NFIA: variants seen among roughly 807,000 people sequenced by gnomAD.
NFIA encodes the protein nuclear factor 1 A-type.
Under a neutral mutation model 62.8 loss-of-function variants are expected in NFIA, and 8 were observed. The ratio of observed to expected loss-of-function variants is 0.13; its 90% CI spans 0.07 to 0.23. The LOEUF (loss-of-function observed/expected upper bound fraction) is 0.23. NFIA is among the 10% of genes least tolerant of loss of function. NFIA has a pLI of 1.00. For synonymous variants in NFIA, 235 were observed against 238.1 expected (o/e 0.99, Z 0.12); for missense variants, 410 against 642.1 (o/e 0.64, Z 3.91).
chr1:61,455,501 T>A lies in NFIA; in HGVS notation c.*181T>A. ...CATTATGGTCAAACAGCAAAGGCCA[T>A]AACCTTTTGGGATTTTTTTTTTTTT... On this transcript the variant is annotated 3_prime_UTR_variant, in exon 11 of 11. Coordinates refer to ENST00000403491, the MANE Select transcript of NFIA (RefSeq NM_001134673.4). 1 of 937,856 alleles carries A rather than the reference T, an allele frequency of 1.1e-6. No individual in the cohort carries two copies. 58.1% of individuals were successfully genotyped at this position (937,856 alleles called of 1,614,324 possible).
intron 2 of NFIA, among the ~76,000 whole-genome samples, chr1:61,272,892 C>T (rs1657598366): frequency 6.6e-6 from 1 of 152,192 alleles, no homozygotes; most frequent in South Asian, 2.1e-4. Context: ...TTTCTTCATA[C>T]CGTCTTTTAA....
chr1:61,432,188 C>T (rs1338513165), intron 10 of NFIA, among the ~76,000 whole-genome samples: 1 of 150,648 alleles, frequency 6.6e-6, no homozygotes, highest in Non-Finnish European at 1.5e-5. Flanking sequence ...TAGCTTGGGC[C>T]TAATGATATG....
intron 2 of NFIA, among the ~76,000 whole-genome samples, chr1:61,180,552 G>A (rs1041349981): frequency 3.9e-5 from 6 of 152,184 alleles, no homozygotes; most frequent in Non-Finnish European, 8.8e-5. Context: ...GTAGCTTTTA[G>A]TTGTGGCTTA....
chr1:61,349,073 A>G (rs555731326), intron 4 of NFIA, among the ~76,000 whole-genome samples: 1 of 152,286 alleles, frequency 6.6e-6, no homozygotes, highest in South Asian at 2.1e-4. Flanking sequence ...ATATTTGACT[A>G]ATCTCCCCCA....
At chr1:61,104,094 G>T (rs1331786359) in intron 2 of NFIA, among the ~76,000 whole-genome samples, 2 of 152,126 alleles carry the variant, frequency 1.3e-5, no homozygotes, top group African/African-American at 4.8e-5. Flanking sequence ...CCTACTATGT[G>T]CTGGGTACCC....
At chr1:61,309,696 C>T (rs756897135) in intron 3 of NFIA, among the ~76,000 whole-genome samples, 2 of 152,158 alleles carry the variant, frequency 1.3e-5, no homozygotes, top group African/African-American at 2.4e-5. Context: ...TGAGAGCAGC[C>T]TGACCAACAC....
At chr1:61,412,087 C>T (rs930271333) in intron 9 of NFIA, among the ~76,000 whole-genome samples, 5 of 151,982 alleles carry the variant, frequency 3.3e-5, no homozygotes, top group Non-Finnish European at 7.4e-5. Flanking sequence ...AATAGATTGT[C>T]AGGAGCAAGA....
chr1:61,212,854 A>G lies in NFIA; in HGVS notation c.560-64666A>G, dbSNP rs1653352673. Among the ~76,000 whole-genome samples, 3 of 152,326 alleles carry G rather than the reference A, an allele frequency of 2.0e-5. 1 individual carries two copies. The highest frequency in any genetic ancestry group is 6.8e-3 in the Middle Eastern group (2 of 294). On this transcript the variant is annotated intron_variant, in intron 2 of 10. Transcript: ENST00000403491. ...ACTTGTGGATAATCGAAAGTAGACCATACTTATTTTCAATTTGGCAGCTGC... is the reference window on the plus strand; with the variant it reads ...ACTTGTGGATAATCGAAAGTAGACCGTACTTATTTTCAATTTGGCAGCTGC...
At chr1:61,455,161 G>A (rs1343450952) in intron 10 of NFIA, 142 bp from the exon 11 acceptor site, 6 of 715,940 alleles carry the variant, frequency 8.4e-6, no homozygotes, top group Non-Finnish European at 1.4e-5. Context: ...ATTTTTTATT[G>A]TCTGTCGTGC....
chr1:61,138,710 G>A (rs903104775), intron 2 of NFIA, among the ~76,000 whole-genome samples: 6 of 151,860 alleles, frequency 4.0e-5, no homozygotes, highest in African/African-American at 1.4e-4. Flanking sequence ...CTCCCAAGTA[G>A]CTGGGATTAC....
chr1:61,415,587 T>C (rs762523778), intron 9 of NFIA, among the ~76,000 whole-genome samples: 5 of 152,168 alleles, frequency 3.3e-5, no homozygotes, highest in Admixed American at 6.5e-5. Flanking sequence ...CAATACTGAT[T>C]AAAACTTGAG....
At chr1:61,129,689 A>C (rs1006379217) in intron 2 of NFIA, among the ~76,000 whole-genome samples, 1 of 151,942 alleles carries the variant, frequency 6.6e-6, no homozygotes, top group South Asian at 2.1e-4. Context: ...ACCTCAAGTG[A>C]TCCGCCCACC....
chr1:61,234,636 C>CA (rs1303865257), intron 2 of NFIA, among the ~76,000 whole-genome samples: 2 of 152,088 alleles, frequency 1.3e-5, no homozygotes, highest in Non-Finnish European at 2.9e-5. Flanking sequence ...GCTCTAGTCC[C>CA]AGCAAGAGAT....
intron 2 of NFIA, among the ~76,000 whole-genome samples, chr1:61,184,223 G>C (rs1455988354): frequency 6.6e-6 from 1 of 151,994 alleles, no homozygotes; most frequent in Non-Finnish European, 1.5e-5. Flanking sequence ...TTCTCCTGGT[G>C]TGGGTTCAGG....
At chr1:61,285,108 A>G (rs1392037055) in intron 3 of NFIA, among the ~76,000 whole-genome samples, 1 of 152,222 alleles carries the variant, frequency 6.6e-6, no homozygotes, top group South Asian at 2.1e-4. Context: ...ACAGTGCGGT[A>G]GAAGGTGCAC....
intron 6 of NFIA, among the ~76,000 whole-genome samples, chr1:61,363,986 G>T (rs554139212): frequency 2.8e-5 from 4 of 141,434 alleles, no homozygotes; most frequent in Admixed American, 1.5e-4. Context: ...TTGCTCTATC[G>T]CCCAGGCTGG....
intron 3 of NFIA, among the ~76,000 whole-genome samples, chr1:61,323,272 C>G (rs904099827): frequency 1.3e-5 from 2 of 152,136 alleles, no homozygotes; most frequent in African/African-American, 4.8e-5. Flanking sequence ...CTCAAAACAC[C>G]TCATCCATAT....
At chr1:61,304,419 ATCTTCAGTTTAATTAGT>A (rs1385015726) in intron 3 of NFIA, among the ~76,000 whole-genome samples, 4 of 152,330 alleles carry the variant, frequency 2.6e-5, no homozygotes, top group African/African-American at 9.6e-5. Context: ...CTTTGGTTAA[ATCTTCAGTTTAATTAGT>A]GTATGAATTC....
intron 2 of NFIA, among the ~76,000 whole-genome samples, chr1:61,202,819 A>C (rs556015057): frequency 6.6e-5 from 10 of 152,384 alleles, no homozygotes; most frequent in Non-Finnish European, 7.3e-5. Context: ...AATGTCTTGC[A>C]GGGAGTGGAA....
Sources: allele counts gnomAD v4.1 joint callset (sites outside exome capture counted in the v4.1 genomes callset), GRCh38; gene constraint gnomAD v4.1.1; transcripts MANE v1.5; gene names NCBI Gene and HGNC (gene_info 2026-07-23, HGNC 2026-07-21).